PECR: variants seen among roughly 807,000 people sequenced by gnomAD.
The protein encoded by PECR is peroxisomal trans-2-enoyl-CoA reductase, also known as 2,4-dienoyl-CoA reductase-related protein.
PECR carries 30 observed loss-of-function variants against 35.3 expected under a neutral mutation model. That is an observed-to-expected ratio of 0.85 (90% CI 0.64 to 1.15). The LOEUF is 1.15. Among genes scored for constraint, PECR ranks in the 50% most tolerant of loss-of-function variants. The pLI is 0.00. For synonymous variants in PECR, 148 were observed against 138.9 expected, an observed-to-expected ratio of 1.07 and a Z score of -0.46; for missense variants, 392 against 370.8, an observed-to-expected ratio of 1.06 and a Z score of -0.47.
At chr2:216,047,470 T>G (rs141651458) in intron 6 of PECR, among the ~76,000 whole-genome samples, 90 of 152,338 alleles carry the variant, frequency 5.9e-4, no homozygotes, top group African/African-American at 1.9e-3. Flanking sequence ...AATTTATTAC[T>G]AAACGGCCAA....
rs921535746 is a variant in PECR, at chr2:216,039,098, CTGAT to C, written c.*173_*176del. 4 of 533,756 alleles carry C rather than the reference CTGAT, an allele frequency of 7.5e-6. No individual in the cohort carries two copies. Among genetic ancestry groups the C allele is most frequent in the Admixed American group, 6.3e-5 (2 of 31,772 alleles). 33.1% of individuals were successfully genotyped at this position (533,756 alleles called of 1,614,324 possible). On this transcript the variant is annotated 3_prime_UTR_variant, in exon 8 of 8. Coordinates refer to ENST00000265322, the MANE Select transcript of PECR (RefSeq NM_018441.6). ...TTTTTAAATCATAGGTTAAAAGACT[CTGAT>C]TGGGACATAAGACTGTATATATTTC...
At chr2:216,050,230 A>T (rs184509013) in intron 5 of PECR, among the ~76,000 whole-genome samples, 4 of 151,088 alleles carry the variant, frequency 2.6e-5, no homozygotes, top group Admixed American at 6.6e-5. Flanking sequence ...TCAAACATTT[A>T]AAAAAAAAAT....
At chr2:216,051,329 A>G in intron 5 of PECR, 120 bp downstream of exon 5, 4 of 670,712 alleles carry the variant, frequency 6.0e-6, no homozygotes, top group Admixed American at 2.5e-5. Context: ...CATTTTATCT[A>G]TGTTTTAAAG....
At chr2:216,038,058 C>T (rs1694826867), downstream of PECR, among the ~76,000 whole-genome samples, 2 of 151,846 alleles carry the variant, frequency 1.3e-5, no homozygotes, top group Non-Finnish European at 2.9e-5. Context: ...GCACTCCAGC[C>T]TGGGTGACAG....
intron 1 of PECR, among the ~76,000 whole-genome samples, chr2:216,072,304 C>A (rs569387355): frequency 2.3e-4 from 35 of 152,214 alleles, no homozygotes; most frequent in Admixed American, 2.1e-3. Context: ...CACAAAGGCA[C>A]AGAGTACAAA....
chr2:216,052,885 G>A (rs188682783), intron 4 of PECR, among the ~76,000 whole-genome samples: 10 of 152,062 alleles, frequency 6.6e-5, no homozygotes, highest in Non-Finnish European at 1.3e-4. Context: ...ACAGAGTCTC[G>A]CTCTGTCACC....
chr2:216,079,646 C>T (rs1695788639), intron 1 of PECR, among the ~76,000 whole-genome samples: 1 of 149,758 alleles, frequency 6.7e-6, no homozygotes, highest in African/African-American at 2.4e-5. Context: ...GGATTACAGG[C>T]ATGAGCCACC....
At chr2:216,041,613 T>C (rs1360356265) in intron 7 of PECR, among the ~76,000 whole-genome samples, 5 of 152,208 alleles carry the variant, frequency 3.3e-5, no homozygotes, top group Non-Finnish European at 7.3e-5. Context: ...TATATGTTAA[T>C]GATTGACTGA....
At chr2:216,064,198 T>C (rs1228863752) in intron 3 of PECR, 2 of 152,246 alleles carry the variant, frequency 1.3e-5, no homozygotes, top group African/African-American at 4.8e-5. Context: ...TAGAGACCAC[T>C]AGATGTCTCC....
intron 7 of PECR, among the ~76,000 whole-genome samples, chr2:216,032,565 A>AG (rs1694725687): frequency 6.6e-6 from 1 of 152,228 alleles, no homozygotes; most frequent in Admixed American, 6.5e-5. Context: ...CCAGGTCAGA[A>AG]GGCAATAGCT....
At chr2:216,041,041 A>C (rs765435344) in intron 7 of PECR, among the ~76,000 whole-genome samples, 5 of 152,200 alleles carry the variant, frequency 3.3e-5, no homozygotes, top group Admixed American at 1.3e-4. Flanking sequence ...CATCTTAGGC[A>C]TTCTCACCTT....
At chr2:216,054,140 A>G (rs1265972270) in intron 4 of PECR, among the ~76,000 whole-genome samples, 1 of 151,908 alleles carries the variant, frequency 6.6e-6, no homozygotes, top group Admixed American at 6.6e-5. Flanking sequence ...CAAAAATTTT[A>G]GCTGGGCATG....
intron 1 of PECR, among the ~76,000 whole-genome samples, chr2:216,078,784 T>C (rs996399380): frequency 6.6e-6 from 1 of 152,186 alleles, no homozygotes; most frequent in African/African-American, 2.4e-5. Context: ...CCTAATGTTT[T>C]AGTTTGTGGT....
chr2:216,051,517 A>C lies in PECR; in HGVS notation c.535T>G (p.Tyr179Asp), dbSNP rs762469786. ...VHSGAARAGVYNLTKSLALEW... is the reference protein window; with the variant it reads ...VHSGAARAGVDNLTKSLALEW... Reference sequence around the variant, plus strand: ...AAAGCTAAAGATTTGGTGAGGTTGTAAACACCTGCTCTTGCAGCTCCAGAA... The same window carrying C: ...AAAGCTAAAGATTTGGTGAGGTTGTCAACACCTGCTCTTGCAGCTCCAGAA... Residue 179 changes from tyrosine (Y) to aspartate (D), a missense_variant, in exon 5 of 8, where the codon TAC becomes GAC. By Grantham distance (160) the Tyr-to-Asp change is radical. Coordinates refer to ENST00000265322, the MANE Select transcript of PECR (RefSeq NM_018441.6). 3 of 1,611,798 alleles carry C rather than the reference A, an allele frequency of 1.9e-6. No homozygotes were observed. Among genetic ancestry groups the C allele is most frequent in the Non-Finnish European group, 2.5e-6 (3 of 1,177,978 alleles).
chr2:216,051,598 T>G (rs1695116682), intron 4 of PECR, 53 bp from the exon 5 acceptor site: 10 of 1,127,800 alleles, frequency 8.9e-6, no homozygotes, highest in Admixed American at 6.8e-5. Context: ...AATATTTCTC[T>G]TGTTCATCAA....
intron 1 of PECR, among the ~76,000 whole-genome samples, chr2:216,070,565 A>G (rs1282070069): frequency 1.3e-5 from 2 of 152,188 alleles, no homozygotes; most frequent in Non-Finnish European, 2.9e-5. Context: ...ACTATTTGAG[A>G]CGGTCATTAC....
chr2:216,050,136 C>T (rs764245334), intron 5 of PECR, among the ~76,000 whole-genome samples: 3 of 152,130 alleles, frequency 2.0e-5, no homozygotes, highest in South Asian at 2.1e-4. Context: ...TTGGGAGGAT[C>T]GCTTGCGCCC....
At chr2:216,050,143 G>T (rs555764406) in intron 5 of PECR, among the ~76,000 whole-genome samples, 5 of 152,082 alleles carry the variant, frequency 3.3e-5, no homozygotes, top group Non-Finnish European at 7.4e-5. Flanking sequence ...GATCGCTTGC[G>T]CCCAGGAGTT....
chr2:216,067,563 CTTTTTT>C (rs202088759), intron 1 of PECR, among the ~76,000 whole-genome samples: 1 of 143,848 alleles, frequency 7.0e-6, no homozygotes, highest in Non-Finnish European at 1.5e-5. Context: ...TTTTCTTTTT[CTTTTTT>C]TTTTTTGAGA....
Sources: gnomAD v4.1 joint callset for allele counts (sites outside exome capture counted in the v4.1 genomes callset) on GRCh38, gnomAD v4.1.1 for gene constraint, MANE v1.5 for transcripts, NCBI Gene and HGNC (gene_info 2026-07-23, HGNC 2026-07-21) for gene names.